Variants in TIMP2 observed in about 807,000 individuals in gnomAD.
TIMP2 encodes the protein metalloproteinase inhibitor 2.
TIMP2 carries 5 observed loss-of-function variants against 24.3 expected under a neutral mutation model. The ratio of observed to expected loss-of-function variants is 0.21; its 90% CI spans 0.11 to 0.43. The LOEUF (loss-of-function observed/expected upper bound fraction) is 0.43. Ranked by LOEUF, TIMP2 falls within the 20% of genes least tolerant of loss-of-function variation. TIMP2 has a pLI of 1.00. For synonymous variants in TIMP2, 130 were observed against 123.2 expected, an observed-to-expected ratio of 1.06 and a Z score of -0.37; for missense variants, 221 against 297.5, an observed-to-expected ratio of 0.74 and a Z score of 1.89.
intron 2 of TIMP2, among the ~76,000 whole-genome samples, chr17:78,873,571 G>C (rs2069703804): frequency 6.6e-6 from 1 of 152,242 alleles, no homozygotes; most frequent in African/African-American, 2.4e-5. Flanking sequence ...GGGATTACAG[G>C]TGTGAGCCGC....
At chr17:78,901,971 C>T in intron 1 of TIMP2, 2 of 592,370 alleles carry the variant, frequency 3.4e-6, no homozygotes, top group Non-Finnish European at 6.2e-6. Flanking sequence ...ACATCAGAAA[C>T]ATTTTTAACT....
In TIMP2 at chr17:78,896,715, C is replaced by T. The variant is rs2070006425; in HGVS notation, c.131-22796G>A. On this transcript the variant is annotated intron_variant, in intron 1 of 4. Coordinates refer to ENST00000262768, the MANE Select transcript of TIMP2 (RefSeq NM_003255.5). This position sits in a 1 kb window ranked among gnomAD's most constrained non-coding sequence, Gnocchi z 4.4. ...CTCCCCCCTCCGCAGAAGCCGCGCTCGGAGCAGCAGAAGGAAGGCGAGTGG... is the reference window on the plus strand; with the variant it reads ...CTCCCCCCTCCGCAGAAGCCGCGCTTGGAGCAGCAGAAGGAAGGCGAGTGG... Among the ~76,000 whole-genome samples, 2 of 152,236 alleles carry T rather than the reference C, an allele frequency of 1.3e-5. No homozygotes were observed. The highest frequency in any genetic ancestry group is 2.4e-5 in the African/African-American group (1 of 41,540).
rs536863771 is a variant in TIMP2 at position 78,887,491 on chromosome 17, T to C, written c.131-13572A>G. ...CCTCCGCCTCCTGGGTTCAAGCGATTCTCCTGCCTCAGCCTCCCGAATAGC... is the reference window on the plus strand; with the variant it reads ...CCTCCGCCTCCTGGGTTCAAGCGATCCTCCTGCCTCAGCCTCCCGAATAGC... On this transcript the variant is annotated intron_variant, in intron 1 of 4. Coordinates refer to ENST00000262768, the MANE Select transcript of TIMP2 (RefSeq NM_003255.5). Among the ~76,000 whole-genome samples, 8 of 152,250 alleles carry C rather than the reference T, an allele frequency of 5.3e-5. No homozygotes were observed. In the South Asian group the frequency reaches 1.7e-3, roughly 32 times the overall value.
chr17:78,892,426 G>A, intron 1 of TIMP2: 1 of 1,550,214 alleles, frequency 6.5e-7, no homozygotes, highest in South Asian at 1.2e-5. Flanking sequence ...CCGGGCCTGA[G>A]GAGCCACAGA....
At chr17:78,881,031 G>C (rs991614394) in intron 1 of TIMP2, among the ~76,000 whole-genome samples, 13 of 152,240 alleles carry the variant, frequency 8.5e-5, no homozygotes, top group Admixed American at 2.0e-4. Context: ...GTCCCTCAAA[G>C]TCACCTGTCT....
intron 2 of TIMP2, 54 bp downstream of exon 2, chr17:78,873,765 A>G (rs2069705400): frequency 6.6e-7 from 1 of 1,505,574 alleles, no homozygotes; most frequent in Non-Finnish European, 9.2e-7. Context: ...GCCAACCCCA[A>G]CACCCCACAG....
At position 78,924,911 on chromosome 17, in the gene TIMP2, G is replaced by A; in HGVS notation, c.130+48C>T. The A allele has an allele frequency of 8.7e-7, 1 of 1,146,610 alleles. No individual in the cohort carries two copies. The highest frequency in any genetic ancestry group is 3.7e-5 in the South Asian group (1 of 27,238). 71.0% of individuals were successfully genotyped at this position (1,146,610 alleles called of 1,614,324 possible). On this transcript the variant is annotated intron_variant, in intron 1 of 4. Coordinates refer to ENST00000262768, the MANE Select transcript of TIMP2 (RefSeq NM_003255.5). The surrounding 1 kb of genome is among the most constrained non-coding windows in gnomAD (Gnocchi z 5.3). ...GGGGCGTCTGCGAACCCTCGGGGTC[G>A]CGGGGGAGGTGGGGCCCCGCGCGGG...
At chr17:78,882,134 T>C (rs979923272) in intron 1 of TIMP2, among the ~76,000 whole-genome samples, 2 of 152,066 alleles carry the variant, frequency 1.3e-5, no homozygotes, top group East Asian at 3.9e-4. Flanking sequence ...CCGGCTGATT[T>C]TTATTTTGTG....
At chr17:78,917,734 C>T (rs2070271835) in intron 1 of TIMP2, among the ~76,000 whole-genome samples, 1 of 152,054 alleles carries the variant, frequency 6.6e-6, no homozygotes, top group Non-Finnish European at 1.5e-5. Context: ...CTGAGACCAG[C>T]TAGGAGGCCA....
chr17:78,874,758 T>TC (rs2069715271), intron 1 of TIMP2, among the ~76,000 whole-genome samples: 1 of 151,560 alleles, frequency 6.6e-6, no homozygotes, highest in Non-Finnish European at 1.5e-5. Context: ...TTTTTTTTTT[T>TC]CAGACGGAGT....
chr17:78,896,796 TG>T lies in TIMP2; in HGVS notation c.131-22878del. ...GCCTCCCACAGAGCGGAGTGGACAC[TG>T]GGCCCATTCTCCTCTCTTGCTCTCT... On this transcript the variant is annotated intron_variant, in intron 1 of 4. Transcript: ENST00000262768. This position sits in a 1 kb window ranked among gnomAD's most constrained non-coding sequence, Gnocchi z 4.4. The T allele has an allele frequency of 2.3e-6, 1 of 425,672 alleles. No individual in the cohort carries two copies. The highest frequency in any genetic ancestry group is 3.1e-6 in the Non-Finnish European group (1 of 318,656). The allele number at this position is 425,672 out of a possible 1,614,324, so 26.4% of individuals were successfully genotyped here.
At position 78,920,171 on chromosome 17, in the gene TIMP2, C is replaced by A. The variant is rs2070298559; in HGVS notation, c.130+4788G>T. Reference sequence around the variant, plus strand: ...CGGCTGCCCGCGCCTCTCAGTCTCCCAGGAGTCATCTATGCCCTGTTCTCC... The same window carrying A: ...CGGCTGCCCGCGCCTCTCAGTCTCCAAGGAGTCATCTATGCCCTGTTCTCC... On this transcript the variant is annotated intron_variant, in intron 1 of 4. Coordinates refer to ENST00000262768, the MANE Select transcript of TIMP2 (RefSeq NM_003255.5). The surrounding 1 kb of genome is among the most constrained non-coding windows in gnomAD (Gnocchi z 4.5). 6.6e-6 allele frequency among the ~76,000 whole-genome samples: 1 copy of A among 152,182 alleles called. No homozygotes were observed. The highest frequency in any genetic ancestry group is 2.4e-5 in the African/African-American group (1 of 41,456).
chr17:78,909,706 T>TAGACGTGCAGC (rs2070191091), intron 1 of TIMP2, among the ~76,000 whole-genome samples: 1 of 152,186 alleles, frequency 6.6e-6, no homozygotes, highest in Non-Finnish European at 1.5e-5. Flanking sequence ...ATCGGGTTTC[T>TAGACGTGCAGC]GTACATGCTC....
intron 3 of TIMP2, among the ~76,000 whole-genome samples, chr17:78,862,474 T>A (rs373015045): frequency 4.6e-5 from 7 of 152,146 alleles, no homozygotes; most frequent in African/African-American, 1.7e-4. Flanking sequence ...CTGCTCCCCC[T>A]CCCAGGGAGA....
intron 1 of TIMP2, among the ~76,000 whole-genome samples, chr17:78,883,977 T>C (rs1436526470): frequency 6.6e-6 from 1 of 152,180 alleles, no homozygotes; most frequent in African/African-American, 2.4e-5. Context: ...TTGAAAACAA[T>C]GCACCAGACC....
intron 1 of TIMP2, chr17:78,900,125 T>C (rs981499996): frequency 6.6e-6 from 1 of 152,012 alleles, no homozygotes; most frequent in African/African-American, 2.4e-5. Flanking sequence ...AGAACAGAGG[T>C]CCCATAAACT....
intron 2 of TIMP2, among the ~76,000 whole-genome samples, chr17:78,873,030 C>G (rs2069698681): frequency 2.0e-5 from 3 of 152,068 alleles, no homozygotes; most frequent in Admixed American, 1.3e-4. Flanking sequence ...GGGGTTTCTC[C>G]ATGTTGGCCA....
intron 3 of TIMP2, among the ~76,000 whole-genome samples, chr17:78,868,661 C>T (rs556879272): frequency 1.3e-5 from 2 of 152,036 alleles, no homozygotes; most frequent in African/African-American, 2.4e-5. Context: ...CTGCGGCTGC[C>T]GGCCACATGT....
chr17:78,864,985 C>T (rs929158266), intron 3 of TIMP2, among the ~76,000 whole-genome samples: 2 of 152,040 alleles, frequency 1.3e-5, no homozygotes, highest in East Asian at 3.9e-4. Flanking sequence ...ACCTGGGGGG[C>T]GGAAGTTGCA....
Sources: gnomAD v4.1 joint callset for allele counts (sites outside exome capture counted in the v4.1 genomes callset) on GRCh38, gnomAD v4.1.1 for gene constraint, Gnocchi (gnomAD v3.1) non-coding constraint, MANE v1.5 for transcripts, NCBI Gene and HGNC (gene_info 2026-07-23, HGNC 2026-07-21) for gene names.